Variants in ST18 observed in about 807,000 individuals in gnomAD.
ST18 encodes the protein ST18 C2H2C-type zinc finger transcription factor.
In ST18, 50 loss-of-function variants were observed where a neutral mutation model predicts 110.0. The ratio of observed to expected loss-of-function variants is 0.45; its 90% CI spans 0.36 to 0.58. The LOEUF (loss-of-function observed/expected upper bound fraction) is 0.58, where lower values mean the gene tolerates loss of function less well. Among genes scored for constraint, ST18 ranks in the 20% least tolerant of loss-of-function variants. ST18 has a pLI of 0.00. For missense variants in ST18, 1,306 were observed against 1,280.1 expected (o/e 1.02, Z -0.31); for synonymous variants, 461 against 452.4 (o/e 1.02, Z -0.24).
intron 9 of ST18, among the ~76,000 whole-genome samples, chr8:52,174,326 A>G (rs1368567863): frequency 6.6e-6 from 1 of 152,188 alleles, no homozygotes; most frequent in Non-Finnish European, 1.5e-5. Flanking sequence ...AGAAAGTGTA[A>G]AGGGTTATGA....
chr8:52,397,153 C>A (rs934816108), intron 2 of ST18, among the ~76,000 whole-genome samples: 7 of 152,156 alleles, frequency 4.6e-5, no homozygotes, highest in African/African-American at 1.4e-4. Flanking sequence ...TTATCTCTGT[C>A]TTTTTGATAA....
chr8:52,172,574 A>G lies in ST18; in HGVS notation c.287T>C (p.Met96Thr). 1.3e-6 allele frequency: 2 copies of G among 1,568,156 alleles called. No individual in the cohort carries two copies. Among genetic ancestry groups the G allele is most frequent in the Non-Finnish European group, 1.7e-6 (2 of 1,162,414 alleles). Residue 96 changes from methionine to threonine, a missense_variant, in exon 10 of 26, where the codon ATG becomes ACG. Coordinates refer to ENST00000689386, the MANE Select transcript of ST18 (RefSeq NM_001352837.2). ...THGHSTAEEI[M>T]IKPMDESLLS... ...AAGACTTTCATCCATAGGTTTTATCATGATTTCCTCTATGGAAAAAGAAAA... is the reference window on the plus strand; with the variant it reads ...AAGACTTTCATCCATAGGTTTTATCGTGATTTCCTCTATGGAAAAAGAAAA...
At chr8:52,370,397 T>C (rs902974811) in intron 2 of ST18, among the ~76,000 whole-genome samples, 1 of 147,348 alleles carries the variant, frequency 6.8e-6, no homozygotes, top group Non-Finnish European at 1.5e-5. Context: ...TGCGTGTGTG[T>C]GTGCATGCGT....
chr8:52,307,374 A>T (rs2095831609), intron 2 of ST18, among the ~76,000 whole-genome samples: 4 of 152,206 alleles, frequency 2.6e-5, no homozygotes, highest in Admixed American at 2.6e-4. Flanking sequence ...GAAGAGTTCT[A>T]TTATCTTCAT....
chr8:52,224,160 C>A (rs1206653331), intron 3 of ST18, among the ~76,000 whole-genome samples: 1 of 152,064 alleles, frequency 6.6e-6, no homozygotes, highest in Non-Finnish European at 1.5e-5. Context: ...TTTACACTCC[C>A]AAGTTTCTAG....
intron 2 of ST18, among the ~76,000 whole-genome samples, chr8:52,305,056 G>A (rs1455992522): frequency 1.3e-5 from 2 of 152,180 alleles, no homozygotes; most frequent in Non-Finnish European, 2.9e-5. Flanking sequence ...ACATTGTGCT[G>A]AAATGTTGAA....
intron 2 of ST18, among the ~76,000 whole-genome samples, chr8:52,375,602 T>C (rs1832026631): frequency 6.6e-6 from 1 of 152,196 alleles, no homozygotes; most frequent in Admixed American, 6.5e-5. Flanking sequence ...AACTGTGGAA[T>C]GCCCCAGCAG....
rs768674990 is a variant in ST18, at chr8:52,137,376, G to A, written c.2231+45C>T. 10 of 1,600,878 alleles carry A rather than the reference G, an allele frequency of 6.2e-6. No individual in the cohort carries two copies. In the African/African-American group the frequency reaches 1.1e-4, roughly 17 times the overall value. ...AGGGTGAGAATAAGTATTTAAAATA[G>A]AACAAGACCATGAAAATCTGACTGC... On this transcript the variant is annotated intron_variant, in intron 18 of 25. Transcript: ENST00000689386.
chr8:52,400,757 ATT>A (rs1029454978), intron 2 of ST18, among the ~76,000 whole-genome samples: 2 of 152,110 alleles, frequency 1.3e-5, no homozygotes, highest in African/African-American at 4.8e-5. Context: ...CAATTTACAT[ATT>A]TTTATATCGC....
At chr8:52,402,402 A>G (rs904552313) in intron 2 of ST18, among the ~76,000 whole-genome samples, 25 of 152,138 alleles carry the variant, frequency 1.6e-4, no homozygotes, top group Admixed American at 1.3e-3. Flanking sequence ...TCTCCCACCA[A>G]GCCAAGGACT....
chr8:52,213,288 C>A (rs959541935), intron 7 of ST18, among the ~76,000 whole-genome samples: 26 of 152,170 alleles, frequency 1.7e-4, no homozygotes, highest in African/African-American at 6.0e-4. Flanking sequence ...GGATTCTGGA[C>A]TTTGCTCAAA....
rs371367981 is a variant in ST18 at position 52,276,025 on chromosome 8, A to G, written c.-464-45948T>C. Among the ~76,000 whole-genome samples, 12 of 29,336 alleles carry G rather than the reference A, an allele frequency of 4.1e-4. No homozygotes were observed. The Admixed American group carries it at 5.1e-3, about 12-fold the overall frequency. 19.2% of individuals were successfully genotyped at this position (29,336 alleles called of 152,430 possible). On this transcript the variant is annotated intron_variant, in intron 2 of 25. Transcript: ENST00000689386. Reference sequence around the variant, plus strand: ...AGACCATACGTACCACATACCCCCCACACACACACCACATGCACACTGCAC... The same window carrying G: ...AGACCATACGTACCACATACCCCCCGCACACACACCACATGCACACTGCAC...
intron 2 of ST18, among the ~76,000 whole-genome samples, chr8:52,238,479 C>T (rs2092992826): frequency 6.6e-6 from 1 of 152,158 alleles, no homozygotes; most frequent in South Asian, 2.1e-4. Context: ...TCCAGGAATA[C>T]CACCACTGGT....
intron 2 of ST18, among the ~76,000 whole-genome samples, chr8:52,386,298 T>C (rs1836739478): frequency 6.6e-6 from 1 of 152,174 alleles, no homozygotes; most frequent in Non-Finnish European, 1.5e-5. Flanking sequence ...GTATAATGTA[T>C]CCAACTATGT....
At chr8:52,250,899 A>C (rs1166063488) in intron 2 of ST18, among the ~76,000 whole-genome samples, 1 of 152,166 alleles carries the variant, frequency 6.6e-6, no homozygotes, top group Non-Finnish European at 1.5e-5. Flanking sequence ...AACTTTTCCA[A>C]CACCTTATCA....
chr8:52,141,588 G>T (rs1302991282), intron 17 of ST18, among the ~76,000 whole-genome samples: 1 of 152,150 alleles, frequency 6.6e-6, no homozygotes, highest in Non-Finnish European at 1.5e-5. Context: ...CTGGGAATGG[G>T]AGCATCAGGG....
intron 2 of ST18, among the ~76,000 whole-genome samples, chr8:52,315,932 C>T (rs1329967642): frequency 1.3e-5 from 2 of 152,186 alleles, no homozygotes; most frequent in Non-Finnish European, 2.9e-5. Context: ...TAACGTTTGA[C>T]ATTACCCTGA....
chr8:52,200,523 G>A (rs72641870), intron 8 of ST18, among the ~76,000 whole-genome samples: 59 of 152,310 alleles, frequency 3.9e-4, no homozygotes, highest in Non-Finnish European at 6.9e-4. Flanking sequence ...AGGGAGACCA[G>A]GCCAGAGTAA....
At chr8:52,353,931 A>G (rs1004270880) in intron 2 of ST18, among the ~76,000 whole-genome samples, 2 of 152,230 alleles carry the variant, frequency 1.3e-5, no homozygotes, top group Admixed American at 6.5e-5. Context: ...TACAAAGTCC[A>G]GAAGATGCCT....
Sources: gnomAD v4.1 joint callset for allele counts (sites outside exome capture counted in the v4.1 genomes callset) on GRCh38, gnomAD v4.1.1 for gene constraint, MANE v1.5 for transcripts, NCBI Gene and HGNC (gene_info 2026-07-23, HGNC 2026-07-21) for gene names.